MGMT: variants seen among roughly 807,000 people sequenced by gnomAD.
The protein encoded by MGMT is methylated-DNA--protein-cysteine methyltransferase.
MGMT carries 14 observed loss-of-function variants against 15.9 expected under a neutral mutation model. The observed-to-expected ratio is 0.88, with a 90% confidence interval of 0.58 to 1.37. The LOEUF (loss-of-function observed/expected upper bound fraction) is 1.37. Ranked by LOEUF, MGMT falls within the 40% of genes most tolerant of loss-of-function variation. The pLI is 0.00. For missense variants in MGMT, 282 were observed against 268.1 expected (o/e 1.05, Z -0.36); for synonymous variants, 130 against 118.2 (o/e 1.10, Z -0.65).
intron 3 of MGMT, among the ~76,000 whole-genome samples, chr10:129,717,195 C>A (rs947278853): frequency 2.6e-5 from 4 of 152,208 alleles, no homozygotes; most frequent in African/African-American, 9.6e-5. Context: ...CAGTGTGATA[C>A]CCTTGCCACG....
In MGMT at chr10:129,580,225, G is replaced by A. The variant is rs1024543268; in HGVS notation, c.125+43848G>A. 5.3e-5 allele frequency among the ~76,000 whole-genome samples: 8 copies of A among 152,298 alleles called. No homozygotes were observed. The South Asian group carries it at 8.3e-4, about 16-fold the overall frequency. On this transcript the variant is annotated intron_variant, in intron 2 of 4. Coordinates refer to ENST00000651593, the MANE Select transcript of MGMT (RefSeq NM_002412.5). ...AAGCACCTGCTGTGCCCGGGGGGGC[G>A]GGACTGCGCAGGATCAGGGGGATGC...
intron 2 of MGMT, among the ~76,000 whole-genome samples, chr10:129,610,503 T>C (rs1045375992): frequency 6.6e-6 from 1 of 152,218 alleles, no homozygotes; most frequent in Non-Finnish European, 1.5e-5. Flanking sequence ...TTTCTTCAGC[T>C]CTCCGTCCAT....
At chr10:129,621,803 TC>T (rs992255933) in intron 2 of MGMT, among the ~76,000 whole-genome samples, 13 of 152,312 alleles carry the variant, frequency 8.5e-5, no homozygotes, top group African/African-American at 2.2e-4. Context: ...TAAAAAGCCA[TC>T]CCCATGTGCC....
rs575872554 is a variant in MGMT, at chr10:129,767,077, A to G, written c.*80A>G. Reference sequence around the variant, plus strand: ...ATGCGGGGCGTGGAGGCACCGCTGTATTAAAGGAAGTGGCAGTGTCCTGGG... The same window carrying G: ...ATGCGGGGCGTGGAGGCACCGCTGTGTTAAAGGAAGTGGCAGTGTCCTGGG... On this transcript the variant is annotated 3_prime_UTR_variant, in exon 5 of 5. Transcript: ENST00000651593. 4.9e-6 allele frequency: 6 copies of G among 1,220,398 alleles called. No homozygotes were observed. In the African/African-American group the frequency reaches 9.0e-5, roughly 18 times the overall value. 75.6% of individuals were successfully genotyped at this position (1,220,398 alleles called of 1,614,324 possible).
chr10:129,676,021 T>A (rs1847781327), intron 2 of MGMT, among the ~76,000 whole-genome samples: 3 of 152,154 alleles, frequency 2.0e-5, no homozygotes, highest in African/African-American at 4.8e-5. Flanking sequence ...CGGGCTCTCA[T>A]GAGCACATGT....
At chr10:129,607,254 T>C (rs1846902893) in intron 2 of MGMT, among the ~76,000 whole-genome samples, 1 of 152,042 alleles carries the variant, frequency 6.6e-6, no homozygotes. Context: ...TTTTTTCTCT[T>C]GGAGGAATAT....
chr10:129,474,316 G>A (rs1845265553), intron 1 of MGMT, among the ~76,000 whole-genome samples: 1 of 152,214 alleles, frequency 6.6e-6, no homozygotes, highest in South Asian at 2.1e-4. Context: ...GCAGGATGGT[G>A]GCAGCAGGCC....
intron 2 of MGMT, among the ~76,000 whole-genome samples, chr10:129,702,735 T>C (rs1175027253): frequency 6.6e-6 from 1 of 152,098 alleles, no homozygotes; most frequent in Non-Finnish European, 1.5e-5. Context: ...GCAAAGGTGC[T>C]CCCCCGGCAA....
intron 2 of MGMT, among the ~76,000 whole-genome samples, chr10:129,680,318 A>G (rs1057322119): frequency 3.3e-5 from 5 of 152,084 alleles, no homozygotes; most frequent in Admixed American, 3.3e-4. Context: ...CGCGGGCATG[A>G]TTTTGGGGAT....
intron 2 of MGMT, among the ~76,000 whole-genome samples, chr10:129,547,718 G>A (rs1320969977): frequency 6.6e-6 from 1 of 152,210 alleles, no homozygotes; most frequent in East Asian, 1.9e-4. Context: ...TGAAGCATTA[G>A]GAAATGCTCT....
At chr10:129,663,162 A>G (rs1847619769) in intron 2 of MGMT, among the ~76,000 whole-genome samples, 1 of 152,260 alleles carries the variant, frequency 6.6e-6, no homozygotes, top group Non-Finnish European at 1.5e-5. Flanking sequence ...AAAGTTTCAT[A>G]AAAGAATTGT....
intron 2 of MGMT, among the ~76,000 whole-genome samples, chr10:129,703,835 T>C (rs771476381): frequency 2.6e-5 from 4 of 152,146 alleles, no homozygotes; most frequent in Non-Finnish European, 5.9e-5. Context: ...AGATGTCAGC[T>C]GAGCTCTTGC....
rs1490596075 is a variant in MGMT at position 129,769,047 on chromosome 10, G to T, written c.*2050G>T. 1 of 152,666 alleles carries T rather than the reference G, an allele frequency of 6.6e-6. No individual in the cohort carries two copies. The highest frequency in any genetic ancestry group is 2.4e-5 in the African/African-American group (1 of 41,480). 9.5% of individuals were successfully genotyped at this position (152,666 alleles called of 1,614,324 possible). A position where few individuals can be genotyped will look rare whatever the true frequency, so the allele number is the denominator to read the frequency against. Reference sequence around the variant, plus strand: ...CCAGAATCCAGGTCAGCTCCTGGTGGCAGGGGACCTGCCCGTCAAAGCCGT... The same window carrying T: ...CCAGAATCCAGGTCAGCTCCTGGTGTCAGGGGACCTGCCCGTCAAAGCCGT... On this transcript the variant is annotated 3_prime_UTR_variant, in exon 5 of 5. Transcript: ENST00000651593.
chr10:129,503,097 C>T (rs535626038), intron 1 of MGMT, among the ~76,000 whole-genome samples: 1 of 143,114 alleles, frequency 7.0e-6, no homozygotes. Flanking sequence ...GTTTCGCCCA[C>T]ACTGCTTGGA....
At chr10:129,519,414 A>G (rs1026395870) in intron 1 of MGMT, among the ~76,000 whole-genome samples, 1 of 152,264 alleles carries the variant, frequency 6.6e-6, no homozygotes, top group Admixed American at 6.5e-5. Flanking sequence ...TAACTAATTT[A>G]GAACATAAAA....
At chr10:129,716,790 A>G (rs902101309) in intron 3 of MGMT, among the ~76,000 whole-genome samples, 4 of 152,216 alleles carry the variant, frequency 2.6e-5, no homozygotes, top group Non-Finnish European at 5.9e-5. Flanking sequence ...AACAGCACAA[A>G]TCTAGCTGAA....
intron 1 of MGMT, among the ~76,000 whole-genome samples, chr10:129,534,970 C>T (rs537701754): frequency 1.3e-5 from 2 of 152,314 alleles, no homozygotes; most frequent in South Asian, 2.1e-4. Flanking sequence ...AGCACGGAAG[C>T]AGCAGGAGAT....
At chr10:129,563,334 G>A (rs757595200) in intron 2 of MGMT, among the ~76,000 whole-genome samples, 6 of 152,196 alleles carry the variant, frequency 3.9e-5, no homozygotes, top group Non-Finnish European at 5.9e-5. Context: ...TGACCCTGCC[G>A]GTCTGTGCCC....
chr10:129,679,096 T>C (rs1847818707), intron 2 of MGMT, among the ~76,000 whole-genome samples: 1 of 151,616 alleles, frequency 6.6e-6, no homozygotes, highest in Admixed American at 6.6e-5. Flanking sequence ...AGAATCGTGA[T>C]ATTCTTGATA....
Sources: gnomAD v4.1 joint callset for allele counts (sites outside exome capture counted in the v4.1 genomes callset) on GRCh38, gnomAD v4.1.1 for gene constraint, MANE v1.5 for transcripts, NCBI Gene and HGNC (gene_info 2026-07-23, HGNC 2026-07-21) for gene names.